Variants in PLA2G2C observed in about 807,000 individuals in gnomAD.
The protein encoded by PLA2G2C is phospholipase A2 group IIC.
In PLA2G2C, 15 loss-of-function variants were observed where a neutral mutation model predicts 14.3. The ratio of observed to expected loss-of-function variants is 1.05; its 90% CI spans 0.70 to 1.62. The LOEUF (loss-of-function observed/expected upper bound fraction) is 1.62, where lower values mean the gene tolerates loss of function less well. Among genes scored for constraint, PLA2G2C ranks in the 40% most tolerant of loss-of-function variants. PLA2G2C has a pLI of 0.00. For synonymous variants in PLA2G2C, 79 were observed against 67.7 expected (o/e 1.17, Z -0.82); for missense variants, 162 against 173.2 (o/e 0.94, Z 0.36).
At chr1:20,183,545 G>A (rs2018310076) in intron 1 of PLA2G2C, among the ~76,000 whole-genome samples, 1 of 152,230 alleles carries the variant, frequency 6.6e-6, no homozygotes. Context: ...CTCCATTAAG[G>A]AGCGTTGTGA....
At chr1:20,166,614 C>T (rs1390910833) in intron 4 of PLA2G2C, among the ~76,000 whole-genome samples, 3 of 152,206 alleles carry the variant, frequency 2.0e-5, no homozygotes, top group African/African-American at 4.8e-5. Context: ...CCTTCTTTCT[C>T]GTCCCTCTCT....
At chr1:20,180,902 A>T (rs76672991) in intron 1 of PLA2G2C, among the ~76,000 whole-genome samples, 1 of 152,202 alleles carries the variant, frequency 6.6e-6, no homozygotes, top group Non-Finnish European at 1.5e-5. Context: ...GCTTTTATCA[A>T]CAGTAATGAA....
chr1:20,163,916 G>C lies in PLA2G2C; in HGVS notation c.*75C>G. 6.8e-7 allele frequency: 1 copy of C among 1,468,050 alleles called. No individual in the cohort carries two copies. Among genetic ancestry groups the C allele is most frequent in the Non-Finnish European group, 9.2e-7 (1 of 1,090,014 alleles). The allele number at this position is 1,468,050 out of a possible 1,614,324, so 90.9% of individuals were successfully genotyped here. On this transcript the variant is annotated 3_prime_UTR_variant, in exon 5 of 5. Coordinates refer to ENST00000679259, the MANE Select transcript of PLA2G2C (RefSeq NM_001367969.2). ...AGTGGAAGAACAGGGGCCTGTTGGG[G>C]ATGATCTGAGAAGGCTTCCTGGAAG...
At chr1:20,172,526 T>C (rs1234636918) in intron 4 of PLA2G2C, among the ~76,000 whole-genome samples, 1 of 152,140 alleles carries the variant, frequency 6.6e-6, no homozygotes, top group East Asian at 1.9e-4. Context: ...TTAGCTCAAG[T>C]GAACAAGTAT....
chr1:20,173,271 G>A (rs1449619217), intron 3 of PLA2G2C, among the ~76,000 whole-genome samples: 1 of 151,858 alleles, frequency 6.6e-6, no homozygotes, highest in Non-Finnish European at 1.5e-5. Flanking sequence ...AGCTCTGATT[G>A]AGCCTCTCCA....
At chr1:20,166,415 C>T (rs1389301771) in intron 4 of PLA2G2C, among the ~76,000 whole-genome samples, 1 of 152,174 alleles carries the variant, frequency 6.6e-6, no homozygotes, top group Admixed American at 6.5e-5. Flanking sequence ...CCTCTGCCCT[C>T]CCACTCCCCC....
intron 4 of PLA2G2C, among the ~76,000 whole-genome samples, chr1:20,172,228 C>A (rs1354878707): frequency 6.6e-6 from 1 of 152,148 alleles, no homozygotes; most frequent in Non-Finnish European, 1.5e-5. Context: ...CCATACCCTA[C>A]CAGCCGCAGA....
At chr1:20,164,970 C>T (rs551738394) in intron 4 of PLA2G2C, among the ~76,000 whole-genome samples, 68 of 152,364 alleles carry the variant, frequency 4.5e-4, no homozygotes, top group Non-Finnish European at 8.4e-4. Flanking sequence ...AACTGTAACC[C>T]GAGTTACGTT....
intron 1 of PLA2G2C, among the ~76,000 whole-genome samples, chr1:20,183,315 G>A (rs563983480): frequency 2.6e-5 from 4 of 152,314 alleles, no homozygotes; most frequent in Non-Finnish European, 4.4e-5. Context: ...AAGCTTTGAC[G>A]TCAGAGGCCA....
intron 2 of PLA2G2C, among the ~76,000 whole-genome samples, chr1:20,176,200 T>C (rs2018180929): frequency 6.6e-6 from 1 of 152,158 alleles, no homozygotes; most frequent in African/African-American, 2.4e-5. Flanking sequence ...ATTATAGTCA[T>C]GAACAACCGC....
intron 1 of PLA2G2C, chr1:20,184,222 C>CACAG (rs2018326305): frequency 6.6e-6 from 1 of 152,442 alleles, no homozygotes; most frequent in Non-Finnish European, 1.5e-5. Flanking sequence ...CACACACACA[C>CACAG]ACACACGGTG....
Position 20,170,928 on chromosome 1 carries a change from G to A in PLA2G2C, c.283+1866C>T, listed in dbSNP as rs1380787688. ...CTGCCCAGCAGTGCCACTGCCTGGG[G>A]CTCCAGCCTCTGCTCCTCAACCTTT... is the stretch of plus-strand genomic sequence containing the variant. On this transcript the variant is annotated intron_variant, in intron 4 of 4. Transcript: ENST00000679259. 4.9e-5 allele frequency among the ~76,000 whole-genome samples: 7 copies of A among 141,670 alleles called. 1 individual carries two copies. Among genetic ancestry groups the A allele is most frequent in the Non-Finnish European group, 7.7e-5 (5 of 64,786 alleles). 92.9% of individuals were successfully genotyped at this position (141,670 alleles called of 152,430 possible).
chr1:20,175,051 G>A lies in PLA2G2C; in HGVS notation c.135C>T (p.Tyr45=), dbSNP rs757741155. The change falls in exon 3 of 5, where the codon TAC becomes TAT. Residue 45 remains tyrosine, a synonymous_variant. Coordinates refer to ENST00000679259, the MANE Select transcript of PLA2G2C (RefSeq NM_001367969.2). ...GGATCCCTTTATCCCCAAGCCCACA[G>A]TAGCAGCCATATCCGTAATATGAGA... ...AFFSYYGYGC[Y]CGLGDKGIPV... is the part of the protein sequence containing the mutation. 1.4e-5 allele frequency: 23 copies of A among 1,613,994 alleles called. No individual in the cohort carries two copies. In the Admixed American group the frequency reaches 1.7e-4, roughly 12 times the overall value.
intron 3 of PLA2G2C, among the ~76,000 whole-genome samples, chr1:20,174,237 G>A (rs1271976719): frequency 6.6e-6 from 1 of 152,150 alleles, no homozygotes; most frequent in African/African-American, 2.4e-5. Context: ...GTGGGGACAT[G>A]TTTCTCCATA....
intron 1 of PLA2G2C, among the ~76,000 whole-genome samples, chr1:20,185,077 A>C (rs1215415503): frequency 6.6e-6 from 1 of 152,150 alleles, no homozygotes; most frequent in Non-Finnish European, 1.5e-5. Context: ...TCCAGGCTGC[A>C]GTGAGCTGTG....
chr1:20,180,441 G>C (rs2018263011), intron 1 of PLA2G2C, among the ~76,000 whole-genome samples: 1 of 152,134 alleles, frequency 6.6e-6, no homozygotes, highest in Admixed American at 6.5e-5. Flanking sequence ...AACCCTACCA[G>C]GCAGGTTCTA....
Position 20,172,896 on chromosome 1 carries a change from G to T in PLA2G2C, c.181C>A (p.His61Asn). The T allele has an allele frequency of 1.2e-6, 2 of 1,612,702 alleles. No homozygotes were observed. The highest frequency in any genetic ancestry group is 1.7e-6 in the Non-Finnish European group (2 of 1,179,008). Residue 61 changes from histidine to asparagine, a missense_variant and splice_region_variant, in exon 4 of 5, where the codon CAC (histidine) becomes AAC (asparagine). By Grantham distance (68) the His-to-Asn change is moderately conservative. Coordinates refer to ENST00000679259, the MANE Select transcript of PLA2G2C (RefSeq NM_001367969.2). ...TAGGGAGAGGGAGATGAGGGGCTGT[G>T]CCTGGAAGTGGGTCCCTCAGGAATC... Reference protein sequence around the residue: ...KGIPVDDTDRHSPSSPSPYEK... With the variant: ...KGIPVDDTDRNSPSSPSPYEK...
intron 4 of PLA2G2C, among the ~76,000 whole-genome samples, chr1:20,171,784 C>G (rs562348883): frequency 8.0e-6 from 1 of 125,504 alleles, no homozygotes; most frequent in African/African-American, 3.0e-5. Flanking sequence ...TTTTTTGAGA[C>G]GGAGTCTCGC....
At chr1:20,168,855 A>G (rs570342497) in intron 4 of PLA2G2C, among the ~76,000 whole-genome samples, 2 of 152,354 alleles carry the variant, frequency 1.3e-5, no homozygotes, top group East Asian at 3.9e-4. Context: ...AGCCCACTCA[A>G]AGGAGGGATA....
Sources: allele counts gnomAD v4.1 joint callset (sites outside exome capture counted in the v4.1 genomes callset), GRCh38; gene constraint gnomAD v4.1.1; transcripts MANE v1.5; gene names NCBI Gene and HGNC (gene_info 2026-07-23, HGNC 2026-07-21).